ABI2: variants seen among roughly 807,000 people sequenced by gnomAD.
ABI2 encodes abelson interactor 2.
ABI2 carries 25 observed loss-of-function variants against 59.2 expected under a neutral mutation model. That is an observed-to-expected ratio of 0.42 (90% CI 0.31 to 0.59). ABI2 has a LOEUF of 0.59. Among genes scored for constraint, ABI2 ranks in the 20% least tolerant of loss-of-function variants. The probability of loss-of-function intolerance (pLI) is 0.14; values close to 1 mark genes in which losing one functional copy is unlikely to be tolerated. For synonymous variants in ABI2, 213 were observed against 235.5 expected (o/e 0.90, Z 0.87); for missense variants, 545 against 681.8 (o/e 0.80, Z 2.23).
At chr2:203,385,217 A>G (rs1578407958) in intron 4 of ABI2, among the ~76,000 whole-genome samples, 3 of 138,260 alleles carry the variant, frequency 2.2e-5, no homozygotes, top group Admixed American at 8.0e-5. Flanking sequence ...TGCAGGCTCC[A>G]CCTCCCAGGT....
intron 10 of ABI2, among the ~76,000 whole-genome samples, chr2:203,412,024 C>T (rs1333369791): frequency 6.6e-6 from 1 of 152,134 alleles, no homozygotes. Flanking sequence ...TATGGGCAGT[C>T]TTTGCGAGGG....
chr2:203,338,105 CG>C, intron 1 of ABI2, among the ~76,000 whole-genome samples: 1 of 152,100 alleles, frequency 6.6e-6, no homozygotes, highest in Non-Finnish European at 1.5e-5. Context: ...GAATGGAGCC[CG>C]GAAATGTAGC....
intron 7 of ABI2, among the ~76,000 whole-genome samples, chr2:203,396,227 CTTAT>C (rs2096976975): frequency 6.6e-6 from 1 of 152,106 alleles, no homozygotes; most frequent in Non-Finnish European, 1.5e-5. Flanking sequence ...GAAAAATCTG[CTTAT>C]TTGATTCGAG....
chr2:203,424,606 C>G (rs2098360063), intron 11 of ABI2, among the ~76,000 whole-genome samples: 1 of 151,904 alleles, frequency 6.6e-6, no homozygotes, highest in Non-Finnish European at 1.5e-5. Flanking sequence ...GCTATGTTTC[C>G]CAGACCAGTC....
intron 10 of ABI2, among the ~76,000 whole-genome samples, chr2:203,416,312 T>C (rs1429609713): frequency 6.6e-6 from 1 of 152,194 alleles, no homozygotes; most frequent in Non-Finnish European, 1.5e-5. Context: ...TTGCTGTTGT[T>C]GTTTTTGAGA....
intron 11 of ABI2, among the ~76,000 whole-genome samples, chr2:203,423,146 C>T (rs2098286250): frequency 6.6e-6 from 1 of 152,146 alleles, no homozygotes; most frequent in Non-Finnish European, 1.5e-5. Flanking sequence ...ATGTAACATG[C>T]TCCTTTTGGG....
At position 203,373,336 on chromosome 2, in the gene ABI2, G is replaced by A. The variant is rs1035089278; in HGVS notation, c.285+6292G>A. 8.6e-4 allele frequency among the ~76,000 whole-genome samples: 131 copies of A among 152,306 alleles called. 1 individual carries two copies. Among genetic ancestry groups the A allele is most frequent in the Admixed American group, 4.4e-3 (68 of 15,304 alleles). On this transcript the variant is annotated intron_variant, in intron 2 of 11. Transcript: ENST00000261018. ...AAACCAGTCAGGCGTGGCGGCGCGC[G>A]CCTGTAATCGCAGGCACTCGGCAGG...
intron 11 of ABI2, among the ~76,000 whole-genome samples, chr2:203,421,964 CAAA>C (rs35435663): frequency 2.2e-4 from 23 of 102,630 alleles, no homozygotes; most frequent in Admixed American, 2.0e-4. Context: ...GACTCTGTCT[CAAA>C]AAAAAAAAAA....
intron 8 of ABI2, among the ~76,000 whole-genome samples, chr2:203,399,303 G>A (rs911538910): frequency 2.6e-5 from 4 of 152,018 alleles, no homozygotes; most frequent in African/African-American, 4.8e-5. Context: ...TAATGATATT[G>A]AACATTTTTT....
rs561842044 is a variant in ABI2 at position 203,378,478 on chromosome 2, T to C, written c.286-1730T>C. 5.2e-4 allele frequency among the ~76,000 whole-genome samples: 79 copies of C among 152,358 alleles called. 1 individual carries two copies. The highest frequency in any genetic ancestry group is 1.8e-3 in the African/African-American group (76 of 41,572). ...ACCATGGTTAGTTTTTTATTTGATG[T>C]TCCATTTATACATTCGTTAGCTCTG... On this transcript the variant is annotated intron_variant, in intron 2 of 11. Transcript: ENST00000261018.
intron 1 of ABI2, among the ~76,000 whole-genome samples, chr2:203,349,136 T>C (rs1436711422): frequency 1.3e-5 from 2 of 151,906 alleles, no homozygotes; most frequent in Non-Finnish European, 2.9e-5. Context: ...GAGGTGGGCT[T>C]TTGCCTTGTT....
In ABI2 at chr2:203,427,336, T is replaced by G. The variant is rs772873316; in HGVS notation, c.1613T>G (p.Met538Arg). Residue 538 changes from methionine (M) to arginine (R), a missense_variant, in exon 12 of 12, where the codon ATG (methionine) becomes AGG (arginine). Coordinates refer to ENST00000261018, the MANE Select transcript of ABI2 (RefSeq NM_001375670.1). ...LFPGNYVESI[M>R]HYSE ...CCTGGGAATTACGTTGAGTCTATCATGCATTATTCTGAGTAAAGCTCAGCA... is the reference window on the plus strand; with the variant it reads ...CCTGGGAATTACGTTGAGTCTATCAGGCATTATTCTGAGTAAAGCTCAGCA... 4 of 1,613,956 alleles carry G rather than the reference T, an allele frequency of 2.5e-6. No homozygotes were observed. The South Asian group carries it at 4.4e-5, about 18-fold the overall frequency.
intron 5 of ABI2, among the ~76,000 whole-genome samples, chr2:203,392,275 TCACCACCACCACCAC>T (rs75654136): frequency 6.3e-5 from 8 of 127,370 alleles, no homozygotes; most frequent in East Asian, 2.4e-4. Flanking sequence ...ACCACCACCA[TCACCACCACCACCAC>T]CACCACCACC....
intron 1 of ABI2, among the ~76,000 whole-genome samples, chr2:203,364,359 G>A (rs2094053896): frequency 6.6e-6 from 1 of 152,068 alleles, no homozygotes; most frequent in Non-Finnish European, 1.5e-5. Flanking sequence ...CTCCCAAAGT[G>A]TTGGGATTAC....
In ABI2 at chr2:203,431,802, AAAAG is replaced by A. The variant is rs1355298911; in HGVS notation, c.*4451_*4454del. On this transcript the variant is annotated 3_prime_UTR_variant, in exon 12 of 12. Transcript: ENST00000261018. ...GTAAGAAAAAAGAAAAACCAACAAAAAAAGCTTATTTTCACATTAAAATGAAACC... is the reference window on the plus strand; with the variant it reads ...GTAAGAAAAAAGAAAAACCAACAAAACTTATTTTCACATTAAAATGAAACC... The A allele has an allele frequency of 6.6e-6, 1 of 152,210 alleles. No homozygotes were observed. Among genetic ancestry groups the A allele is most frequent in the East Asian group, 1.9e-4 (1 of 5,200 alleles). 9.4% of individuals were successfully genotyped at this position (152,210 alleles called of 1,614,324 possible).
chr2:203,418,354 T>G (rs1470476205), intron 11 of ABI2, among the ~76,000 whole-genome samples: 1 of 152,234 alleles, frequency 6.6e-6, no homozygotes, highest in Non-Finnish European at 1.5e-5. Context: ...GCCCTCTGGT[T>G]CAGGGACTCT....
At chr2:203,343,143 C>T (rs950652308) in intron 1 of ABI2, among the ~76,000 whole-genome samples, 1 of 152,102 alleles carries the variant, frequency 6.6e-6, no homozygotes, top group Non-Finnish European at 1.5e-5. Flanking sequence ...GCAGGTGGAT[C>T]ACGTGAGGTC....
chr2:203,342,091 C>A, intron 1 of ABI2: 1 of 381,050 alleles, frequency 2.6e-6, no homozygotes, highest in Non-Finnish European at 5.2e-6. Context: ...CCTGTTATGT[C>A]CTCATTTCTT....
chr2:203,366,782 T>C (rs2094493462), intron 1 of ABI2, 95 bp from the exon 2 acceptor site: 19 of 1,245,926 alleles, frequency 1.5e-5, no homozygotes, highest in Non-Finnish European at 1.9e-5. Context: ...TCTGGTGGAC[T>C]CAGCAGAATC....
Sources: gnomAD v4.1 joint callset for allele counts (sites outside exome capture counted in the v4.1 genomes callset) on GRCh38, gnomAD v4.1.1 for gene constraint, MANE v1.5 for transcripts, NCBI Gene and HGNC (gene_info 2026-07-23, HGNC 2026-07-21) for gene names.